The following ACSS3 variants were observed in gnomAD, a reference collection of about 807,000 sequenced individuals.
ACSS3 encodes acyl-CoA synthetase short-chain family member 3, mitochondrial.
ACSS3 carries 64 observed loss-of-function variants against 84.2 expected under a neutral mutation model. The ratio of observed to expected loss-of-function variants is 0.76; its 90% CI spans 0.62 to 0.94. The LOEUF is 0.94. Among genes scored for constraint, ACSS3 ranks in the 40% least tolerant of loss-of-function variants. ACSS3 has a pLI of 0.00. For missense variants in ACSS3, 815 were observed against 867.6 expected (o/e 0.94, Z 0.76); for synonymous variants, 317 against 310.1 (o/e 1.02, Z -0.23).
intron 13 of ACSS3, among the ~76,000 whole-genome samples, chr12:81,248,574 G>C (rs765469478): frequency 2.0e-5 from 3 of 151,906 alleles, no homozygotes; most frequent in Non-Finnish European, 4.4e-5. Context: ...GTGGTGAAAG[G>C]ACATGAAAAG....
intron 11 of ACSS3, among the ~76,000 whole-genome samples, chr12:81,220,376 G>A (rs991405306): frequency 6.6e-6 from 1 of 151,918 alleles, no homozygotes; most frequent in African/African-American, 2.4e-5. Flanking sequence ...ATATGAATAA[G>A]TAAATAAAGT....
At chr12:81,144,841 T>C (rs1400480871) in intron 5 of ACSS3, among the ~76,000 whole-genome samples, 2 of 151,922 alleles carry the variant, frequency 1.3e-5, no homozygotes, top group Non-Finnish European at 2.9e-5. Context: ...GAGCATTATA[T>C]TGAAAAGTGG....
intron 9 of ACSS3, among the ~76,000 whole-genome samples, chr12:81,205,345 T>C (rs2032300196): frequency 6.6e-6 from 1 of 152,144 alleles, no homozygotes; most frequent in South Asian, 2.1e-4. Context: ...AGTAGACAAC[T>C]GAGGCAAGAC....
intron 7 of ACSS3, among the ~76,000 whole-genome samples, chr12:81,156,990 C>G (rs1184859612): frequency 6.6e-6 from 1 of 152,092 alleles, no homozygotes; most frequent in Non-Finnish European, 1.5e-5. Context: ...GGAACACTCT[C>G]CTTATCATTT....
intron 8 of ACSS3, among the ~76,000 whole-genome samples, chr12:81,189,464 A>G (rs1471862500): frequency 6.6e-6 from 1 of 152,170 alleles, no homozygotes; most frequent in Non-Finnish European, 1.5e-5. Context: ...AGGTTGAATG[A>G]GGTTGATCAC....
At position 81,241,761 on chromosome 12, in the gene ACSS3, G is replaced by A. The variant is rs1422219192; in HGVS notation, c.1719+8290G>A. Among the ~76,000 whole-genome samples the A allele has an allele frequency of 6.6e-5, 10 of 151,996 alleles. 1 individual carries two copies. The highest frequency in any genetic ancestry group is 2.6e-4 in the Admixed American group (4 of 15,266). The stretch of plus-strand genomic sequence containing the variant: ...GCCCTTTGTCAGATGAGTAGGTTGC[G>A]AAAATTTTCTCCCATTTTGTGGGTT... On this transcript the variant is annotated intron_variant, in intron 13 of 15. Coordinates refer to ENST00000548058, the MANE Select transcript of ACSS3 (RefSeq NM_024560.4).
chr12:81,257,469 A>G lies in ACSS3; in HGVS notation c.*2547A>G, dbSNP rs185887566. The G allele has an allele frequency of 2.0e-3, 298 of 152,206 alleles. No individual in the cohort carries two copies. Among genetic ancestry groups the G allele is most frequent in the African/African-American group, 6.9e-3 (285 of 41,496 alleles). 9.4% of individuals were successfully genotyped at this position (152,206 alleles called of 1,614,324 possible). ...AATATAATATTACTAAAAAATGCAG[A>G]CATACTTAAACTTGCTAGAATAAAT... On this transcript the variant is annotated 3_prime_UTR_variant, in exon 16 of 16. Transcript: ENST00000548058.
intron 13 of ACSS3, among the ~76,000 whole-genome samples, chr12:81,233,799 A>G (rs1041434931): frequency 6.6e-6 from 1 of 151,650 alleles, no homozygotes; most frequent in African/African-American, 2.4e-5. Flanking sequence ...TCAGGTTTGC[A>G]CATGGTCTTT....
chr12:81,251,502 C>CT, intron 13 of ACSS3, among the ~76,000 whole-genome samples: 1 of 151,916 alleles, frequency 6.6e-6, no homozygotes. Flanking sequence ...ATCCTACTTT[C>CT]TTAGTTGATA....
intron 1 of ACSS3, among the ~76,000 whole-genome samples, chr12:81,088,271 CGTGA>C (rs1653725586): frequency 6.6e-6 from 1 of 151,952 alleles, no homozygotes; most frequent in South Asian, 2.1e-4. Flanking sequence ...AATGGAGTGG[CGTGA>C]GTGAGAAATA....
intron 1 of ACSS3, among the ~76,000 whole-genome samples, chr12:81,086,006 A>T (rs562956741): frequency 6.6e-6 from 1 of 152,342 alleles, no homozygotes; most frequent in East Asian, 1.9e-4. Flanking sequence ...ATAAATACAA[A>T]TATAATGGGG....
chr12:81,237,569 T>G (rs1032337383), intron 13 of ACSS3, among the ~76,000 whole-genome samples: 1 of 151,796 alleles, frequency 6.6e-6, no homozygotes, highest in Admixed American at 6.6e-5. Context: ...ATTTTGAATA[T>G]TACATCATGA....
intron 8 of ACSS3, among the ~76,000 whole-genome samples, chr12:81,198,778 G>A (rs2031966539): frequency 6.6e-6 from 1 of 151,996 alleles, no homozygotes; most frequent in South Asian, 2.1e-4. Flanking sequence ...TGACTTCCAA[G>A]GCCACAGTGG....
intron 2 of ACSS3, among the ~76,000 whole-genome samples, chr12:81,113,439 T>A (rs1883771903): frequency 1.3e-5 from 2 of 152,192 alleles, no homozygotes; most frequent in Non-Finnish European, 2.9e-5. Flanking sequence ...AAATTCATTT[T>A]TTCACTTTCT....
chr12:81,130,975 C>A (rs1315567860), intron 2 of ACSS3, among the ~76,000 whole-genome samples: 2 of 152,086 alleles, frequency 1.3e-5, no homozygotes, highest in Non-Finnish European at 2.9e-5. Context: ...CTGTTCTGTT[C>A]AATTGGTCTA....
At chr12:81,169,898 A>T (rs2029897890) in intron 7 of ACSS3, among the ~76,000 whole-genome samples, 1 of 152,268 alleles carries the variant, frequency 6.6e-6, no homozygotes, top group East Asian at 1.9e-4. Context: ...TCGATAAAGG[A>T]TGCTGCTGTC....
At chr12:81,204,062 G>C (rs905790080) in intron 9 of ACSS3, among the ~76,000 whole-genome samples, 1 of 152,028 alleles carries the variant, frequency 6.6e-6, no homozygotes, top group African/African-American at 2.4e-5. Context: ...TATTGTTATA[G>C]AGGTCAGACA....
rs572658598 is a variant in ACSS3 at position 81,091,600 on chromosome 12, G to C, written c.311+13169G>C. Among the ~76,000 whole-genome samples, 26 of 151,696 alleles carry C rather than the reference G, an allele frequency of 1.7e-4. No individual in the cohort carries two copies. In the East Asian group the frequency reaches 4.8e-3, roughly 28 times the overall value. On this transcript the variant is annotated intron_variant, in intron 1 of 15. Transcript: ENST00000548058. ...TTTGATGAAATTTTCTCTTACCTTG[G>C]TTTACTTAATTTATAAAAATATTAA...
chr12:81,176,623 A>G (rs1017753312), intron 8 of ACSS3, among the ~76,000 whole-genome samples: 2 of 152,044 alleles, frequency 1.3e-5, no homozygotes, highest in Non-Finnish European at 2.9e-5. Context: ...AGCCCAGAAG[A>G]AATTGAAACC....
Sources: gnomAD v4.1 joint callset for allele counts (sites outside exome capture counted in the v4.1 genomes callset) on GRCh38, gnomAD v4.1.1 for gene constraint, MANE v1.5 for transcripts, NCBI Gene and HGNC (gene_info 2026-07-23, HGNC 2026-07-21) for gene names.